ULK4: variants seen among roughly 807,000 people sequenced by gnomAD.
The protein encoded by ULK4 is unc-51 like kinase 4.
ULK4 carries 133 observed loss-of-function variants against 160.6 expected under a neutral mutation model. That is an observed-to-expected ratio of 0.83 (90% CI 0.72 to 0.96). The LOEUF is 0.96. Among genes scored for constraint, ULK4 ranks in the 40% least tolerant of loss-of-function variants. The pLI is 0.00. For missense variants in ULK4, 1,580 were observed against 1,499.5 expected (o/e 1.05, Z -0.89); for synonymous variants, 534 against 539.8 (o/e 0.99, Z 0.15).
intron 32 of ULK4, among the ~76,000 whole-genome samples, chr3:41,559,934 C>T (rs2700457): frequency 0.77 from 117,061 of 152,052 alleles, 45,388 homozygotes; most frequent in Middle Eastern, 0.86. Flanking sequence ...AGTCATGAAG[C>T]CCTTGCCCAT....
chr3:41,321,928 A>C (rs1030953299), intron 35 of ULK4, among the ~76,000 whole-genome samples: 1 of 144,168 alleles, frequency 6.9e-6, no homozygotes, highest in Non-Finnish European at 1.5e-5. Flanking sequence ...AACCTACAAG[A>C]CCTCAAGTCA....
intron 32 of ULK4, among the ~76,000 whole-genome samples, chr3:41,494,320 G>T (rs1416612750): frequency 1.7e-5 from 2 of 120,870 alleles, no homozygotes; most frequent in Admixed American, 9.0e-5. Flanking sequence ...CAGAACCAAA[G>T]ACAAAAACCA....
chr3:41,580,919 T>C (rs12636940), intron 31 of ULK4, among the ~76,000 whole-genome samples: 38,825 of 152,174 alleles, frequency 0.26, 5,836 homozygotes, highest in Middle Eastern at 0.35. Context: ...AGGGAGAATA[T>C]TTGAATCAGA....
At chr3:41,322,633 C>T (rs11720797) in intron 35 of ULK4, among the ~76,000 whole-genome samples, 43,883 of 152,114 alleles carry the variant, frequency 0.29, 6,695 homozygotes, top group Middle Eastern at 0.36. Flanking sequence ...GTAATTCCCA[C>T]AAACACTAAT....
intron 27 of ULK4, among the ~76,000 whole-genome samples, chr3:41,704,787 T>C (rs1303657344): frequency 1.3e-5 from 2 of 152,018 alleles, no homozygotes; most frequent in African/African-American, 4.8e-5. Flanking sequence ...AGGTTTGTAC[T>C]ACCAGTTGCA....
chr3:41,474,501 CAG>C (rs1017134407), intron 32 of ULK4, among the ~76,000 whole-genome samples: 1 of 146,062 alleles, frequency 6.8e-6, no homozygotes, highest in African/African-American at 2.8e-5. Flanking sequence ...AAAGCAAAAA[CAG>C]ACAGATACAT....
At chr3:41,725,491 G>C (rs2037619631) in intron 22 of ULK4, among the ~76,000 whole-genome samples, 1 of 152,012 alleles carries the variant, frequency 6.6e-6, no homozygotes, top group Non-Finnish European at 1.5e-5. Flanking sequence ...AGTCTAATCT[G>C]TTAGCCAAAT....
chr3:41,875,785 C>T (rs1697275483), intron 17 of ULK4, among the ~76,000 whole-genome samples: 1 of 151,712 alleles, frequency 6.6e-6, no homozygotes. Context: ...TTATTGCATA[C>T]ATCACATGAG....
intron 35 of ULK4, among the ~76,000 whole-genome samples, chr3:41,332,701 G>A (rs1414058720): frequency 6.6e-6 from 1 of 152,162 alleles, no homozygotes. Context: ...GGTTTGTTAT[G>A]TGAACATATT....
At chr3:41,300,227 G>A (rs186300362) in intron 35 of ULK4, among the ~76,000 whole-genome samples, 3 of 152,276 alleles carry the variant, frequency 2.0e-5, no homozygotes, top group Admixed American at 1.3e-4. Flanking sequence ...ATATATCACC[G>A]AATAAATGAG....
At chr3:41,918,980 C>T (rs1340556872) in intron 6 of ULK4, among the ~76,000 whole-genome samples, 1 of 152,110 alleles carries the variant, frequency 6.6e-6, no homozygotes, top group Admixed American at 6.6e-5. Context: ...ATAGCAATAG[C>T]TATTTAATGC....
intron 27 of ULK4, among the ~76,000 whole-genome samples, chr3:41,695,219 T>C (rs2036449387): frequency 6.6e-6 from 1 of 152,208 alleles, no homozygotes; most frequent in Non-Finnish European, 1.5e-5. Flanking sequence ...CTTAATAGTA[T>C]GACATTGGGG....
chr3:41,420,737 G>A (rs542072618), intron 34 of ULK4, among the ~76,000 whole-genome samples: 6 of 149,454 alleles, frequency 4.0e-5, no homozygotes, highest in South Asian at 2.2e-4. Flanking sequence ...CGCCTCCCTC[G>A]GCCTCCGAAA....
At chr3:41,736,750 G>C (rs1236888249) in intron 22 of ULK4, among the ~76,000 whole-genome samples, 42 of 151,384 alleles carry the variant, frequency 2.8e-4, no homozygotes, top group South Asian at 4.2e-4. Context: ...TGGTGTTTTA[G>C]ACATGAAGTC....
rs1243825843 is a variant in ULK4, at chr3:41,824,595, C to T, written c.1765-5089G>A. On this transcript the variant is annotated intron_variant, in intron 18 of 36. Transcript: ENST00000301831. ...AGCACAGCAGTCTGAGATCAAACTG[C>T]AAGGCAGCAGCGATGCTGGGGGAGG... Among the ~76,000 whole-genome samples the T allele has an allele frequency of 1.7e-4, 26 of 152,304 alleles. No homozygotes were observed. The South Asian group carries it at 2.7e-3, about 16-fold the overall frequency.
intron 17 of ULK4, among the ~76,000 whole-genome samples, chr3:41,850,047 T>C (rs1229170264): frequency 6.6e-6 from 1 of 152,088 alleles, no homozygotes; most frequent in Non-Finnish European, 1.5e-5. Flanking sequence ...CACCTATGAG[T>C]GAGAACATGT....
chr3:41,463,842 T>TG (rs748230487), intron 32 of ULK4, among the ~76,000 whole-genome samples: 11 of 152,176 alleles, frequency 7.2e-5, no homozygotes, highest in Non-Finnish European at 1.5e-4. Flanking sequence ...TTTCACATTT[T>TG]GGGGGTGTTA....
Position 41,909,356 on chromosome 3 carries a change from C to T in ULK4, c.1086-1415G>A, listed in dbSNP as rs918188483. On this transcript the variant is annotated intron_variant, in intron 11 of 36. Transcript: ENST00000301831. ...GATCCCCTCATTAAACATATACTTA[C>T]ATAGCACATAAAATACAATATACCA... 3.3e-5 allele frequency among the ~76,000 whole-genome samples: 5 copies of T among 152,088 alleles called. No individual in the cohort carries two copies. In the East Asian group the frequency reaches 9.6e-4, roughly 29 times the overall value.
At chr3:41,820,953 T>A (rs1264141392) in intron 18 of ULK4, among the ~76,000 whole-genome samples, 1 of 152,114 alleles carries the variant, frequency 6.6e-6, no homozygotes, top group Non-Finnish European at 1.5e-5. Flanking sequence ...AATCACTAAT[T>A]CACACTAAAT....
Sources: gnomAD v4.1 joint callset for allele counts (sites outside exome capture counted in the v4.1 genomes callset) on GRCh38, gnomAD v4.1.1 for gene constraint, MANE v1.5 for transcripts, NCBI Gene and HGNC (gene_info 2026-07-23, HGNC 2026-07-21) for gene names.